The following LEPR variants were observed in gnomAD, a reference collection of about 807,000 sequenced individuals.
LEPR encodes the protein OB receptor.
Under a neutral mutation model 114.7 loss-of-function variants are expected in LEPR, and 56 were observed. That is an observed-to-expected ratio of 0.49 (90% CI 0.39 to 0.61). LEPR has a LOEUF of 0.61. Ranked by LOEUF, LEPR falls within the 20% of genes least tolerant of loss-of-function variation. The probability of loss-of-function intolerance (pLI) is 0.00; values close to 1 mark genes in which losing one functional copy is unlikely to be tolerated. For missense variants in LEPR, 1,202 were observed against 1,352.9 expected (o/e 0.89, Z 1.75); for synonymous variants, 443 against 461.4 (o/e 0.96, Z 0.51).
chr1:65,516,948 C>A (rs1443805630), intron 2 of LEPR, among the ~76,000 whole-genome samples: 2 of 152,156 alleles, frequency 1.3e-5, no homozygotes, highest in African/African-American at 4.8e-5. Flanking sequence ...ATTGTAGCAA[C>A]ACGAAATCGC....
chr1:65,606,206 T>C (rs1656797170), intron 11 of LEPR, among the ~76,000 whole-genome samples: 1 of 152,134 alleles, frequency 6.6e-6, no homozygotes, highest in East Asian at 1.9e-4. Context: ...CAATGAATTC[T>C]CTCCCCACTG....
intron 2 of LEPR, among the ~76,000 whole-genome samples, chr1:65,540,930 C>T (rs1467657179): frequency 6.6e-6 from 1 of 152,158 alleles, no homozygotes; most frequent in Non-Finnish European, 1.5e-5. Flanking sequence ...CTTTCAGGCT[C>T]AAGCGATTCT....
At chr1:65,428,707 A>G (rs762573123) in intron 2 of LEPR, among the ~76,000 whole-genome samples, 27 of 152,150 alleles carry the variant, frequency 1.8e-4, no homozygotes, top group Non-Finnish European at 4.0e-4. Context: ...ATTGTAGTGT[A>G]TATATAAAAA....
chr1:65,467,485 G>A (rs1026732299), intron 2 of LEPR, among the ~76,000 whole-genome samples: 9 of 152,168 alleles, frequency 5.9e-5, no homozygotes, highest in Non-Finnish European at 1.0e-4. Flanking sequence ...AGGCTACACG[G>A]GGGTCAGGGA....
At position 65,513,945 on chromosome 1, in the gene LEPR, T is replaced by C. The variant is rs549344880; in HGVS notation, c.-20-51601T>C. Among the ~76,000 whole-genome samples, 169 of 152,344 alleles carry C rather than the reference T, an allele frequency of 1.1e-3. 2 individuals carry two copies. Among genetic ancestry groups the C allele is most frequent in the African/African-American group, 4.0e-3 (166 of 41,572 alleles). ...GATAATTTTGTAGTTTTTCTTACACTGTGTTGCTCATTTATGAGAAATAGG... is the reference window on the plus strand; with the variant it reads ...GATAATTTTGTAGTTTTTCTTACACCGTGTTGCTCATTTATGAGAAATAGG... On this transcript the variant is annotated intron_variant, in intron 2 of 19. Transcript: ENST00000349533.
intron 2 of LEPR, among the ~76,000 whole-genome samples, chr1:65,558,515 T>TTTTTTTTTTTTTTTTTTA: frequency 9.6e-6 from 1 of 104,180 alleles, no homozygotes. Context: ...TTTTTTTTTT[T>TTTTTTTTTTTTTTTTTTA]TGAATCAGAA....
At chr1:65,541,985 CAAAT>C (rs1005733483) in intron 2 of LEPR, among the ~76,000 whole-genome samples, 4 of 152,124 alleles carry the variant, frequency 2.6e-5, no homozygotes, top group Non-Finnish European at 5.9e-5. Flanking sequence ...AAAAATAACA[CAAAT>C]AATCCTTTAC....
At chr1:65,634,872 C>T in intron 19 of LEPR, 1 of 869,772 alleles carries the variant, frequency 1.1e-6, no homozygotes, top group Middle Eastern at 6.0e-4. Context: ...CCATAGATTT[C>T]TTTCAGAAAA....
chr1:65,532,046 T>A (rs1650439458), intron 2 of LEPR, among the ~76,000 whole-genome samples: 1 of 152,214 alleles, frequency 6.6e-6, no homozygotes. Context: ...TGCCAGAACA[T>A]TTAATTTTTC....
chr1:65,437,341 C>G (rs539787935), intron 2 of LEPR, among the ~76,000 whole-genome samples: 3 of 152,126 alleles, frequency 2.0e-5, no homozygotes, highest in South Asian at 2.1e-4. Flanking sequence ...GCCTCAACCT[C>G]GTAAGTAGCT....
chr1:65,567,600 A>T (rs1653860397), intron 3 of LEPR, among the ~76,000 whole-genome samples: 2 of 152,178 alleles, frequency 1.3e-5, no homozygotes, highest in African/African-American at 4.8e-5. Context: ...ATTTATATTA[A>T]TTTATATCTA....
chr1:65,622,187 A>G (rs1657928988), intron 18 of LEPR, among the ~76,000 whole-genome samples: 1 of 152,214 alleles, frequency 6.6e-6, no homozygotes, highest in South Asian at 2.1e-4. Context: ...CAAGCTTATA[A>G]CAGGAAATCC....
intron 2 of LEPR, among the ~76,000 whole-genome samples, chr1:65,524,015 T>C (rs1456029681): frequency 6.6e-6 from 1 of 152,134 alleles, no homozygotes; most frequent in Non-Finnish European, 1.5e-5. Context: ...GCCAAAGAAT[T>C]CCTGAAGCCA....
chr1:65,588,429 A>G (rs1051615754), intron 5 of LEPR, among the ~76,000 whole-genome samples: 1 of 152,058 alleles, frequency 6.6e-6, no homozygotes, highest in Non-Finnish European at 1.5e-5. Flanking sequence ...TTGATATATA[A>G]TAAGCTGTAC....
chr1:65,549,884 G>T (rs1219635157), intron 2 of LEPR, among the ~76,000 whole-genome samples: 1 of 152,176 alleles, frequency 6.6e-6, no homozygotes, highest in Non-Finnish European at 1.5e-5. Flanking sequence ...AGGAGGAGAG[G>T]CGCTCTGCTT....
intron 2 of LEPR, among the ~76,000 whole-genome samples, chr1:65,533,600 T>C (rs567126429): frequency 6.6e-6 from 1 of 152,182 alleles, no homozygotes; most frequent in Non-Finnish European, 1.5e-5. Flanking sequence ...GCACATTAAT[T>C]TTCAGCCTTT....
At chr1:65,554,476 C>T (rs1458628411) in intron 2 of LEPR, among the ~76,000 whole-genome samples, 1 of 152,144 alleles carries the variant, frequency 6.6e-6, no homozygotes, top group African/African-American at 2.4e-5. Context: ...GTGGGCTCCA[C>T]CCAGTTCAAA....
intron 2 of LEPR, chr1:65,435,910 T>C: frequency 1.0e-6 from 1 of 985,040 alleles, no homozygotes; most frequent in Non-Finnish European, 1.2e-6. Context: ...ATCTTTCAAA[T>C]AGCCATGCTA....
intron 2 of LEPR, among the ~76,000 whole-genome samples, chr1:65,531,412 C>A (rs1650386836): frequency 6.6e-6 from 1 of 151,090 alleles, no homozygotes; most frequent in African/African-American, 2.4e-5. Flanking sequence ...CTTTCCTTTC[C>A]TTTCCTTTCC....
Sources: allele counts gnomAD v4.1 joint callset (sites outside exome capture counted in the v4.1 genomes callset), GRCh38; gene constraint gnomAD v4.1.1; transcripts MANE v1.5; gene names NCBI Gene and HGNC (gene_info 2026-07-23, HGNC 2026-07-21).